CTNNA3: variants seen among roughly 807,000 people sequenced by gnomAD.
The protein encoded by CTNNA3 is catenin alpha-3.
Under a neutral mutation model 95.7 loss-of-function variants are expected in CTNNA3, and 76 were observed. The ratio of observed to expected loss-of-function variants is 0.79; its 90% CI spans 0.66 to 0.96. The LOEUF (loss-of-function observed/expected upper bound fraction) is 0.96. CTNNA3 is among the 40% of genes least tolerant of loss of function. The pLI is 0.00. For synonymous variants in CTNNA3, 431 were observed against 374.4 expected, an observed-to-expected ratio of 1.15 and a Z score of -1.74; for missense variants, 1,191 against 1,089.8, an observed-to-expected ratio of 1.09 and a Z score of -1.31.
chr10:67,174,810 T>C (rs1862164233), intron 7 of CTNNA3, among the ~76,000 whole-genome samples: 1 of 152,166 alleles, frequency 6.6e-6, no homozygotes. Flanking sequence ...ACTTTGACTT[T>C]ATGCTCTAAT....
intron 3 of CTNNA3, among the ~76,000 whole-genome samples, chr10:67,582,954 T>C (rs1472838424): frequency 6.6e-6 from 1 of 152,108 alleles, no homozygotes; most frequent in Non-Finnish European, 1.5e-5. Context: ...TATGTGTGTC[T>C]CTGCACAAGA....
intron 7 of CTNNA3, among the ~76,000 whole-genome samples, chr10:66,938,486 T>TATTA (rs1418432919): frequency 1.3e-5 from 2 of 152,186 alleles, no homozygotes; most frequent in African/African-American, 4.8e-5. Context: ...AAAATATATT[T>TATTA]ATTATTCATT....
At chr10:67,702,030 G>A (rs1841044110) in intron 1 of CTNNA3, among the ~76,000 whole-genome samples, 1 of 152,124 alleles carries the variant, frequency 6.6e-6, no homozygotes, top group Admixed American at 6.6e-5. Context: ...AGACAAAGAA[G>A]GCCATTACAT....
At chr10:66,474,358 A>T (rs1186859268) in intron 11 of CTNNA3, among the ~76,000 whole-genome samples, 2 of 152,034 alleles carry the variant, frequency 1.3e-5, no homozygotes, top group Admixed American at 1.3e-4. Context: ...AGATTCATTC[A>T]TGATTTTGCA....
At chr10:67,097,971 G>C in intron 7 of CTNNA3, 3 of 614,664 alleles carry the variant, frequency 4.9e-6, no homozygotes, top group Non-Finnish European at 8.5e-6. Flanking sequence ...ATTGTTTTAA[G>C]TCTACACTTT....
chr10:66,514,100 A>T (rs1840757254), intron 11 of CTNNA3, among the ~76,000 whole-genome samples: 1 of 152,202 alleles, frequency 6.6e-6, no homozygotes, highest in South Asian at 2.1e-4. Context: ...GTCAAAGAAC[A>T]TTGTGATGAT....
chr10:66,302,135 G>A (rs1471279282), intron 12 of CTNNA3, among the ~76,000 whole-genome samples: 1 of 151,986 alleles, frequency 6.6e-6, no homozygotes, highest in African/African-American at 2.4e-5. Flanking sequence ...TCCATGTGAA[G>A]AAAATTACAG....
chr10:66,010,259 T>A (rs1256687502), intron 15 of CTNNA3, among the ~76,000 whole-genome samples: 2 of 152,150 alleles, frequency 1.3e-5, no homozygotes, highest in Non-Finnish European at 2.9e-5. Flanking sequence ...TCAATGACCA[T>A]AAGGACATAT....
intron 3 of CTNNA3, among the ~76,000 whole-genome samples, chr10:67,563,827 G>T (rs997607304): frequency 2.0e-5 from 3 of 150,344 alleles, no homozygotes; most frequent in Admixed American, 2.0e-4. Context: ...CAAAAAATGG[G>T]CAAAGGATAT....
intron 7 of CTNNA3, among the ~76,000 whole-genome samples, chr10:66,909,930 G>T (rs553780531): frequency 6.6e-6 from 1 of 152,228 alleles, no homozygotes; most frequent in East Asian, 1.9e-4. Context: ...ATTCAGAGAT[G>T]AATGAAACAC....
intron 5 of CTNNA3, among the ~76,000 whole-genome samples, chr10:67,272,755 T>C (rs569919628): frequency 5.9e-4 from 90 of 152,322 alleles, no homozygotes; most frequent in African/African-American, 2.0e-3. Flanking sequence ...TTAAAGTTCC[T>C]GGCCTCAAAT....
chr10:66,025,140 T>G (rs1415233927), intron 15 of CTNNA3, among the ~76,000 whole-genome samples: 1 of 152,244 alleles, frequency 6.6e-6, no homozygotes, highest in Non-Finnish European at 1.5e-5. Context: ...TTACATACTC[T>G]ATTTGCATTT....
At chr10:67,331,786 T>C (rs1841803905) in intron 5 of CTNNA3, among the ~76,000 whole-genome samples, 1 of 152,196 alleles carries the variant, frequency 6.6e-6, no homozygotes, top group Non-Finnish European at 1.5e-5. Flanking sequence ...TTGAGAACTT[T>C]TAGGCTTTAT....
chr10:67,342,099 C>CTTTTTTTTTTTTTTTTTTTTTTTTT (rs764381058), intron 5 of CTNNA3, among the ~76,000 whole-genome samples: 17 of 83,654 alleles, frequency 2.0e-4, no homozygotes, highest in South Asian at 4.8e-4. Flanking sequence ...TATTTTTCTT[C>CTTTTTTTTTTTTTTTTTTTTTTTTT]TTTTTTTTTT....
At chr10:67,480,736 T>C (rs1397881052) in intron 5 of CTNNA3, among the ~76,000 whole-genome samples, 2 of 152,214 alleles carry the variant, frequency 1.3e-5, no homozygotes, top group Non-Finnish European at 2.9e-5. Context: ...AAACTCTGTT[T>C]GAGGCTCTCA....
intron 5 of CTNNA3, among the ~76,000 whole-genome samples, chr10:67,452,147 A>G (rs965616588): frequency 6.6e-6 from 1 of 152,080 alleles, no homozygotes; most frequent in African/African-American, 2.4e-5. Context: ...AACACTTTAA[A>G]GCATCCAAAG....
intron 7 of CTNNA3, among the ~76,000 whole-genome samples, chr10:66,993,747 G>A (rs745564732): frequency 1.7e-4 from 26 of 149,008 alleles, no homozygotes; most frequent in African/African-American, 2.9e-4. Context: ...CCTGTATTTC[G>A]GATTATGTGG....
At chr10:66,000,200 T>C (rs11593312) in intron 15 of CTNNA3, among the ~76,000 whole-genome samples, 16,349 of 152,194 alleles carry the variant, frequency 0.11, 1,103 homozygotes, top group East Asian at 0.2. Context: ...AGGAATATCT[T>C]TGAAAATTTA....
intron 13 of CTNNA3, among the ~76,000 whole-genome samples, chr10:66,166,497 T>TC (rs2085137123): frequency 1.7e-5 from 1 of 59,542 alleles, no homozygotes; most frequent in Non-Finnish European, 2.9e-5. Flanking sequence ...ACAGTCTGTC[T>TC]CAAAAAAAAA....
Sources: gnomAD v4.1 joint callset for allele counts (sites outside exome capture counted in the v4.1 genomes callset) on GRCh38, gnomAD v4.1.1 for gene constraint, MANE v1.5 for transcripts, NCBI Gene and HGNC (gene_info 2026-07-23, HGNC 2026-07-21) for gene names.